Variants in RUNX1 observed in about 807,000 individuals in gnomAD.
RUNX1 encodes runt-related transcription factor 1.
In RUNX1, 19 loss-of-function variants were observed where a neutral mutation model predicts 42.8. The observed-to-expected ratio is 0.44, with a 90% confidence interval of 0.31 to 0.65. RUNX1 has a LOEUF of 0.65. RUNX1 is among the 30% of genes least tolerant of loss of function. The pLI, the probability that RUNX1 is intolerant of heterozygous loss-of-function variation, is 0.07. For synonymous variants in RUNX1, 271 were observed against 289.4 expected, an observed-to-expected ratio of 0.94 and a Z score of 0.64; for missense variants, 528 against 672.0, an observed-to-expected ratio of 0.79 and a Z score of 2.37.
intron 6 of RUNX1, among the ~76,000 whole-genome samples, chr21:34,840,045 G>A (rs950355212): frequency 1.3e-5 from 2 of 152,140 alleles, no homozygotes; most frequent in South Asian, 4.1e-4. Flanking sequence ...AGATAGGCCG[G>A]TGTGTGACCG....
intron 2 of RUNX1, among the ~76,000 whole-genome samples, chr21:34,936,770 A>G (rs1025635057): frequency 6.6e-6 from 1 of 152,238 alleles, no homozygotes. Context: ...CTCTGTTTTA[A>G]AGCTCTCGAA....
intron 2 of RUNX1, among the ~76,000 whole-genome samples, chr21:34,918,065 T>G (rs1031062828): frequency 4.7e-5 from 7 of 148,602 alleles, no homozygotes; most frequent in Non-Finnish European, 8.9e-5. Flanking sequence ...GAGGCGGAGA[T>G]TGCAGTGAGC....
intron 2 of RUNX1, among the ~76,000 whole-genome samples, chr21:35,025,092 G>C (rs575906350): frequency 2.0e-5 from 3 of 152,326 alleles, no homozygotes; most frequent in Non-Finnish European, 4.4e-5. Flanking sequence ...TGTTAGAATG[G>C]TGCTCCCTCT....
At chr21:34,876,567 AT>A (rs747777918) in intron 5 of RUNX1, among the ~76,000 whole-genome samples, 78 of 148,332 alleles carry the variant, frequency 5.3e-4, no homozygotes, top group Admixed American at 1.4e-3. Flanking sequence ...GAACACGTGC[AT>A]TTTTTTTTTG....
intron 2 of RUNX1, among the ~76,000 whole-genome samples, chr21:34,992,692 A>G (rs1458507289): frequency 6.6e-6 from 1 of 152,008 alleles, no homozygotes; most frequent in African/African-American, 2.4e-5. Context: ...AAAAAAAGAA[A>G]AAAAAAAACA....
intron 2 of RUNX1, among the ~76,000 whole-genome samples, chr21:34,970,985 G>A (rs542128320): frequency 7.9e-5 from 12 of 152,136 alleles, no homozygotes; most frequent in South Asian, 2.1e-4. Flanking sequence ...TATATCTATC[G>A]CCCATTTGAT....
At chr21:34,801,358 T>G (rs2056605265) in intron 7 of RUNX1, among the ~76,000 whole-genome samples, 1 of 152,162 alleles carries the variant, frequency 6.6e-6, no homozygotes, top group African/African-American at 2.4e-5. Flanking sequence ...TACTATGCCA[T>G]GATTCATGCT....
chr21:34,911,063 G>T (rs1428189163), intron 2 of RUNX1, among the ~76,000 whole-genome samples: 1 of 151,968 alleles, frequency 6.6e-6, no homozygotes, highest in Non-Finnish European at 1.5e-5. Flanking sequence ...TTTAAATATC[G>T]CATAATATTT....
intron 2 of RUNX1, among the ~76,000 whole-genome samples, chr21:35,000,081 G>T (rs1358332109): frequency 1.3e-5 from 2 of 152,084 alleles, no homozygotes; most frequent in Non-Finnish European, 2.9e-5. Context: ...TAGAACTATG[G>T]ATACAAGGCA....
At chr21:34,859,015 T>C (rs1167283210) in intron 6 of RUNX1, among the ~76,000 whole-genome samples, 1 of 152,202 alleles carries the variant, frequency 6.6e-6, no homozygotes, top group East Asian at 1.9e-4. Flanking sequence ...AAAAGGGTCA[T>C]TTTCATAGTT....
At chr21:34,917,042 C>T (rs952807936) in intron 2 of RUNX1, among the ~76,000 whole-genome samples, 1 of 152,210 alleles carries the variant, frequency 6.6e-6, no homozygotes, top group Non-Finnish European at 1.5e-5. Flanking sequence ...TGACCCCATG[C>T]TGTTCCGACA....
At chr21:34,963,249 CTG>C (rs1158178389) in intron 2 of RUNX1, among the ~76,000 whole-genome samples, 3 of 152,300 alleles carry the variant, frequency 2.0e-5, no homozygotes, top group African/African-American at 7.2e-5. Flanking sequence ...AACCACTGCT[CTG>C]TGTTTATGGC....
intron 5 of RUNX1, among the ~76,000 whole-genome samples, chr21:34,861,459 T>G (rs79760373): frequency 0.025 from 3,843 of 152,258 alleles, 66 homozygotes; most frequent in Middle Eastern, 0.048. Flanking sequence ...ACTAACAGAT[T>G]GTCCTACAAG....
At chr21:34,903,521 T>G (rs2058193776) in intron 2 of RUNX1, among the ~76,000 whole-genome samples, 1 of 152,162 alleles carries the variant, frequency 6.6e-6, no homozygotes, top group African/African-American at 2.4e-5. Context: ...TTTAGCTAAA[T>G]TTTGGGTGCC....
intron 3 of RUNX1, chr21:34,888,282 G>A (rs2058027284): frequency 9.4e-7 from 1 of 1,067,528 alleles, no homozygotes; most frequent in Non-Finnish European, 1.1e-6. Context: ...AGGGCTCCGC[G>A]GCGCAGATCG....
chr21:35,007,480 C>T (rs568988906), intron 2 of RUNX1, among the ~76,000 whole-genome samples: 5 of 152,202 alleles, frequency 3.3e-5, no homozygotes, highest in East Asian at 3.9e-4. Flanking sequence ...CTAGGTGACC[C>T]GCCGTCCTTT....
rs188613942 is a variant in RUNX1, at chr21:34,900,434, T to G, written c.59-7471A>C. On this transcript the variant is annotated intron_variant, in intron 2 of 8. Transcript: ENST00000675419. Reference sequence around the variant, plus strand: ...CTTGAGTGAGCTGTTTTTAAACTGCTGTTAGTGAGGACCACTAAATAGTGC... The same window carrying G: ...CTTGAGTGAGCTGTTTTTAAACTGCGGTTAGTGAGGACCACTAAATAGTGC... Among the ~76,000 whole-genome samples, 400 of 152,354 alleles carry G rather than the reference T, an allele frequency of 2.6e-3. 2 individuals carry two copies. Among genetic ancestry groups the G allele is most frequent in the African/African-American group, 9.1e-3 (380 of 41,584 alleles).
chr21:35,010,514 A>G lies in RUNX1; in HGVS notation c.58+38328T>C, dbSNP rs538175593. Among the ~76,000 whole-genome samples, 9 of 152,060 alleles carry G rather than the reference A, an allele frequency of 5.9e-5. No homozygotes were observed. The South Asian group carries it at 1.7e-3, about 28-fold the overall frequency. ...CTGTTGCATTTCTCTCTCTCTTCCT[A>G]GCTTCTGTGATGCTACTTGGTAGAG... On this transcript the variant is annotated intron_variant, in intron 2 of 8. Coordinates refer to ENST00000675419, the MANE Select transcript of RUNX1 (RefSeq NM_001754.5).
intron 6 of RUNX1, among the ~76,000 whole-genome samples, chr21:34,842,736 T>A (rs1005218053): frequency 6.6e-6 from 1 of 151,816 alleles, no homozygotes; most frequent in Non-Finnish European, 1.5e-5. Flanking sequence ...CAGACATGCA[T>A]GGACAAACAT....
Sources: allele counts gnomAD v4.1 joint callset (sites outside exome capture counted in the v4.1 genomes callset), GRCh38; gene constraint gnomAD v4.1.1; transcripts MANE v1.5; gene names NCBI Gene and HGNC (gene_info 2026-07-23, HGNC 2026-07-21).